The following ACBD5 variants were observed in gnomAD, a reference collection of about 807,000 sequenced individuals.
The protein encoded by ACBD5 is acyl-CoA binding domain containing 5.
Under a neutral mutation model 71.8 loss-of-function variants are expected in ACBD5, and 40 were observed. The observed-to-expected ratio is 0.56, with a 90% CI of 0.43 to 0.72. The LOEUF (loss-of-function observed/expected upper bound fraction) is 0.72, where lower values mean the gene tolerates loss of function less well. Ranked by LOEUF, ACBD5 falls within the 30% of genes least tolerant of loss-of-function variation. ACBD5 has a pLI of 0.00. For missense variants in ACBD5, 559 were observed against 644.5 expected (o/e 0.87, Z 1.44); for synonymous variants, 229 against 218.6 (o/e 1.05, Z -0.42).
chr10:27,208,557 GC>G (rs1384988811), intron 9 of ACBD5, 112 bp from the exon 10 acceptor site: 14 of 1,307,120 alleles, frequency 1.1e-5, no homozygotes, highest in South Asian at 2.5e-5. Context: ...CCAAAGTGTG[GC>G]CAGGAGCTGT....
intron 13 of ACBD5, among the ~76,000 whole-genome samples, chr10:27,183,590 T>C (rs774360472): frequency 6.6e-6 from 1 of 152,142 alleles, no homozygotes. Context: ...TATGGTAATA[T>C]AGAGAAAAGC....
rs12257786 is a variant in ACBD5 at position 27,219,431 on chromosome 10, G to A, written c.625+292C>T. Among the ~76,000 whole-genome samples, 10,450 of 152,146 alleles carry A rather than the reference G, an allele frequency of 0.069. 682 individuals are homozygous for A. The highest frequency in any genetic ancestry group is 0.17 in the African/African-American group (7,014 of 41,458). ...AGTAACTTATGCAGATTCATGTTGGGAACAACACTTTAAAATAGCACATGT... is the reference window on the plus strand; with the variant it reads ...AGTAACTTATGCAGATTCATGTTGGAAACAACACTTTAAAATAGCACATGT... On this transcript the variant is annotated intron_variant, in intron 6 of 12. Coordinates refer to ENST00000396271, the MANE Select transcript of ACBD5 (RefSeq NM_145698.5).
intron 10 of ACBD5, among the ~76,000 whole-genome samples, chr10:27,207,886 C>T (rs1589068685): frequency 6.6e-6 from 1 of 152,010 alleles, no homozygotes; most frequent in African/African-American, 2.4e-5. Flanking sequence ...AGGTATGCAA[C>T]ACCACACCTG....
At chr10:27,190,766 A>C (rs1290079993), downstream of ACBD5, among the ~76,000 whole-genome samples, 1 of 152,206 alleles carries the variant, frequency 6.6e-6, no homozygotes, top group Admixed American at 6.5e-5. Context: ...AAGGAGACTG[A>C]ATAAAAGGCT....
intron 13 of ACBD5, among the ~76,000 whole-genome samples, chr10:27,189,192 C>G (rs951128237): frequency 2.0e-5 from 3 of 152,342 alleles, no homozygotes; most frequent in African/African-American, 7.2e-5. Flanking sequence ...AAACCACTTT[C>G]CTTTGTCCTG....
At chr10:27,234,418 T>C (rs1474926214) in intron 3 of ACBD5, among the ~76,000 whole-genome samples, 1 of 150,824 alleles carries the variant, frequency 6.6e-6, no homozygotes, top group African/African-American at 2.4e-5. Flanking sequence ...GGAAAAGCCA[T>C]TATTTTTCTT....
Position 27,215,572 on chromosome 10 carries a change from A to C in ACBD5, c.899T>G (p.Val300Gly), listed in dbSNP as rs2061531052. 1 of 1,613,516 alleles carries C rather than the reference A, an allele frequency of 6.2e-7. No individual in the cohort carries two copies. The highest frequency in any genetic ancestry group is 8.5e-7 in the Non-Finnish European group (1 of 1,179,786). ...QHLTSDSDSEVYCDSMEQFGQ... is the reference protein window; with the variant it reads ...QHLTSDSDSEGYCDSMEQFGQ... Reference sequence around the variant, plus strand: ...AAATTGTTCCATAGAATCACAGTAAACTTCACTGTCTGAATCGCTTGTCAA... The same window carrying C: ...AAATTGTTCCATAGAATCACAGTAACCTTCACTGTCTGAATCGCTTGTCAA... The change falls in exon 8 of 13, where the codon GTT (valine) becomes GGT (glycine). Residue 300 changes from valine to glycine, a missense_variant. Val to Gly is a moderately radical substitution (Grantham distance 109). Coordinates refer to ENST00000396271, the MANE Select transcript of ACBD5 (RefSeq NM_145698.5).
intron 13 of ACBD5, among the ~76,000 whole-genome samples, chr10:27,186,083 C>T (rs1209124672): frequency 6.8e-6 from 1 of 146,578 alleles, no homozygotes. Context: ...AGCGAGACCT[C>T]GTCTCAAAAA....
intron 2 of ACBD5, among the ~76,000 whole-genome samples, chr10:27,239,623 T>G (rs955465939): frequency 2.0e-5 from 3 of 152,220 alleles, no homozygotes. Context: ...AGAAATTACT[T>G]CACAATTGAC....
At chr10:27,232,330 T>G (rs1320487404) in intron 3 of ACBD5, 2 of 150,530 alleles carry the variant, frequency 1.3e-5, no homozygotes, top group African/African-American at 2.5e-5. Flanking sequence ...CATGGGTTTT[T>G]TTTTTTTTTT....
chr10:27,223,973 T>G (rs1327100210), intron 4 of ACBD5, among the ~76,000 whole-genome samples: 1 of 152,054 alleles, frequency 6.6e-6, no homozygotes, highest in Non-Finnish European at 1.5e-5. Context: ...CTAGAAAAGC[T>G]TCAAGTATAT....
At position 27,240,577 on chromosome 10, in the gene ACBD5, C is replaced by T; in HGVS notation, c.16-93G>A. 6.4e-7 allele frequency: 1 copy of T among 1,551,312 alleles called. No homozygotes were observed. Among genetic ancestry groups the T allele is most frequent in the Admixed American group, 2.0e-5 (1 of 51,010 alleles). ...CAGTTCCCCTTTGCCCTGCCCTATCCAGGCCACACAGATCGAAGCGGCCCG... is the reference window on the plus strand; with the variant it reads ...CAGTTCCCCTTTGCCCTGCCCTATCTAGGCCACACAGATCGAAGCGGCCCG... On this transcript the variant is annotated intron_variant, in intron 1 of 12. Coordinates refer to ENST00000396271, the MANE Select transcript of ACBD5 (RefSeq NM_145698.5). This position sits in a 1 kb window ranked among gnomAD's most constrained non-coding sequence, Gnocchi z 4.1.
rs140057147 is a variant in ACBD5, at chr10:27,184,406, AAC to A, written c.1494-1693_1494-1692del. 4.7e-3 allele frequency among the ~76,000 whole-genome samples: 716 copies of A among 152,074 alleles called. 9 individuals are homozygous for A. Among genetic ancestry groups the A allele is most frequent in the Middle Eastern group, 0.017 (5 of 294 alleles). On this transcript the variant is annotated intron_variant, in intron 13 of 13. Transcript: ENST00000676511. The stretch of plus-strand genomic sequence containing the variant: ...TAGATTATACTACTTAAAACATATA[AAC>A]ACACACACGTTTCAACTTCTGATGC...
chr10:27,204,621 T>C (rs1273203513), intron 11 of ACBD5, 72 bp from the exon 12 acceptor site: 1 of 1,085,196 alleles, frequency 9.2e-7, no homozygotes, highest in African/African-American at 1.6e-5. Context: ...CATACCTAAT[T>C]CATAATTTTG....
At chr10:27,221,984 T>C (rs1031093057) in intron 5 of ACBD5, among the ~76,000 whole-genome samples, 1 of 149,624 alleles carries the variant, frequency 6.7e-6, no homozygotes, top group Admixed American at 6.7e-5. Context: ...TGAATAAGCA[T>C]GCCTTATAAG....
At chr10:27,236,611 G>A (rs567734480) in intron 2 of ACBD5, among the ~76,000 whole-genome samples, 20 of 151,938 alleles carry the variant, frequency 1.3e-4, no homozygotes, top group Admixed American at 4.6e-4. Context: ...GCTGTGGGCC[G>A]GGCACAGTGG....
intron 8 of ACBD5, among the ~76,000 whole-genome samples, chr10:27,211,282 C>T (rs2061049805): frequency 6.6e-6 from 1 of 152,066 alleles, no homozygotes; most frequent in African/African-American, 2.4e-5. Context: ...AATGATTTGT[C>T]CATGAACAGA....
chr10:27,194,299 C>G (rs1220270780), downstream of ACBD5, among the ~76,000 whole-genome samples: 1 of 149,282 alleles, frequency 6.7e-6, no homozygotes, highest in Admixed American at 6.7e-5. Context: ...CACATAAGAC[C>G]AGAGATGTGT....
chr10:27,197,972 T>C (rs1364104680), intron 12 of ACBD5, among the ~76,000 whole-genome samples: 1 of 152,216 alleles, frequency 6.6e-6, no homozygotes, highest in Non-Finnish European at 1.5e-5. Flanking sequence ...TGTACATTCA[T>C]CCTCTCTTAC....
Sources: gnomAD v4.1 joint callset for allele counts (sites outside exome capture counted in the v4.1 genomes callset) on GRCh38, gnomAD v4.1.1 for gene constraint, Gnocchi (gnomAD v3.1) non-coding constraint, MANE v1.5 for transcripts, NCBI Gene and HGNC (gene_info 2026-07-23, HGNC 2026-07-21) for gene names.